Variants in RGS6 observed in about 807,000 individuals in gnomAD.
The protein encoded by RGS6 is regulator of G-protein signaling 6.
RGS6 carries 30 observed loss-of-function variants against 78.5 expected under a neutral mutation model. The ratio of observed to expected loss-of-function variants is 0.38; its 90% CI spans 0.29 to 0.52. The LOEUF is 0.52. RGS6 is among the 20% of genes least tolerant of loss of function. The pLI is 0.85. For missense variants in RGS6, 495 were observed against 609.7 expected (o/e 0.81, Z 1.98); for synonymous variants, 206 against 206.0 (o/e 1.00, Z 0.00).
chr14:71,999,478 T>A (rs1397634501), intron 2 of RGS6, among the ~76,000 whole-genome samples: 12 of 152,242 alleles, frequency 7.9e-5, no homozygotes. Context: ...GGTATAACTC[T>A]AACAGGTGGA....
the RGS6 span, among the ~76,000 whole-genome samples, chr14:72,587,007 A>T: frequency 5.3e-5 from 8 of 152,190 alleles, no homozygotes; most frequent in Non-Finnish European, 8.8e-5. Flanking sequence ...GGACAGATTG[A>T]ATCATCATAC....
intron 2 of RGS6, among the ~76,000 whole-genome samples, chr14:72,328,352 T>C (rs1288251723): frequency 6.6e-6 from 1 of 152,198 alleles, no homozygotes; most frequent in African/African-American, 2.4e-5. Flanking sequence ...CTGACTAGAA[T>C]GCATAAAGTC....
At chr14:72,520,272 G>A (rs28572552) in intron 15 of RGS6, among the ~76,000 whole-genome samples, 2,048 of 152,298 alleles carry the variant, frequency 0.013, 44 homozygotes, top group African/African-American at 0.047. Flanking sequence ...CCTGTAAAGA[G>A]TTCCAAGCTC....
chr14:72,614,226 C>T, the RGS6 span, among the ~76,000 whole-genome samples: 1 of 152,218 alleles, frequency 6.6e-6, no homozygotes, highest in African/African-American at 2.4e-5. Flanking sequence ...ATGGAGCCCA[C>T]CTTCTGACCA....
the RGS6 span, among the ~76,000 whole-genome samples, chr14:72,607,474 A>C: frequency 6.6e-6 from 1 of 152,202 alleles, no homozygotes; most frequent in Non-Finnish European, 1.5e-5. Flanking sequence ...CCCATGACAT[A>C]ATCACCTCCC....
intron 2 of RGS6, among the ~76,000 whole-genome samples, chr14:72,282,931 C>A (rs1254073838): frequency 6.6e-6 from 1 of 152,184 alleles, no homozygotes; most frequent in Non-Finnish European, 1.5e-5. Context: ...AACTCCCTAT[C>A]TCTCCCTACC....
At chr14:72,619,147 T>C in the RGS6 span, 1 of 741,118 alleles carries the variant, frequency 1.3e-6, no homozygotes, top group South Asian at 1.9e-5. Context: ...TGCCTCACCC[T>C]CTTCGTTCCA....
the RGS6 span, among the ~76,000 whole-genome samples, chr14:71,892,522 A>G: frequency 6.6e-6 from 1 of 152,220 alleles, no homozygotes; most frequent in Non-Finnish European, 1.5e-5. Flanking sequence ...TACTTGAGTA[A>G]GGATGCAAGA....
At chr14:71,878,607 G>T in the RGS6 span, among the ~76,000 whole-genome samples, 104 of 152,328 alleles carry the variant, frequency 6.8e-4, no homozygotes, top group African/African-American at 2.4e-3. Flanking sequence ...CTAGGAAAGG[G>T]AATTCCCTGA....
At chr14:71,918,184 C>CAAAAAAAAAA in the RGS6 span, among the ~76,000 whole-genome samples, 9 of 33,720 alleles carry the variant, frequency 2.7e-4, 2 homozygotes, top group Non-Finnish European at 4.6e-4. Flanking sequence ...ACTCCAGTCT[C>CAAAAAAAAAA]AAAAAAAAAA....
intron 3 of RGS6, among the ~76,000 whole-genome samples, chr14:72,371,958 T>A (rs900404623): frequency 6.6e-6 from 1 of 152,146 alleles, no homozygotes; most frequent in Non-Finnish European, 1.5e-5. Context: ...CAGCATGGAA[T>A]TCTATACACT....
chr14:71,988,173 A>G (rs1166400105), intron 2 of RGS6, among the ~76,000 whole-genome samples: 2 of 152,200 alleles, frequency 1.3e-5, no homozygotes, highest in African/African-American at 2.4e-5. Flanking sequence ...GAGCTAGTCA[A>G]GGAAACAGAT....
chr14:72,476,506 A>T (rs1490089278), intron 10 of RGS6, among the ~76,000 whole-genome samples: 1 of 152,234 alleles, frequency 6.6e-6, no homozygotes. Context: ...CTGAGATACA[A>T]GGAGGCTATT....
intron 2 of RGS6, among the ~76,000 whole-genome samples, chr14:72,196,137 C>T (rs1054373331): frequency 6.6e-6 from 1 of 151,904 alleles, no homozygotes; most frequent in East Asian, 1.9e-4. Context: ...AGCAGAGATG[C>T]GAGAGACACG....
At chr14:72,527,381 G>T (rs1347463322) in intron 15 of RGS6, among the ~76,000 whole-genome samples, 1 of 152,224 alleles carries the variant, frequency 6.6e-6, no homozygotes, top group African/African-American at 2.4e-5. Context: ...TGTGAGAAGA[G>T]CGTGAGCTTT....
At chr14:72,292,245 C>T (rs2063721439) in intron 2 of RGS6, among the ~76,000 whole-genome samples, 1 of 152,202 alleles carries the variant, frequency 6.6e-6, no homozygotes, top group African/African-American at 2.4e-5. Flanking sequence ...GTATGGTCAA[C>T]TCCAGCTGTC....
chr14:72,290,670 G>T (rs1321885300), intron 2 of RGS6, among the ~76,000 whole-genome samples: 2 of 152,188 alleles, frequency 1.3e-5, no homozygotes, highest in Admixed American at 1.3e-4. Flanking sequence ...AAGCAAGGAA[G>T]AAACTAGGCA....
At chr14:71,977,933 T>G (rs2094226780) in intron 2 of RGS6, among the ~76,000 whole-genome samples, 1 of 151,096 alleles carries the variant, frequency 6.6e-6, no homozygotes, top group Non-Finnish European at 1.5e-5. Context: ...TCCTCTTTTA[T>G]TTCCTTGAGC....
At chr14:72,149,562 A>G (rs533717413) in intron 2 of RGS6, among the ~76,000 whole-genome samples, 1 of 152,246 alleles carries the variant, frequency 6.6e-6, no homozygotes, top group South Asian at 2.1e-4. Flanking sequence ...GGTTAAAGGA[A>G]CGTTTGGGAC....
Sources: gnomAD v4.1 joint callset for allele counts (sites outside exome capture counted in the v4.1 genomes callset) on GRCh38, gnomAD v4.1.1 for gene constraint, MANE v1.5 for transcripts, NCBI Gene and HGNC (gene_info 2026-07-23, HGNC 2026-07-21) for gene names.